CNKSR3: variants seen among roughly 807,000 people sequenced by gnomAD.
CNKSR3 encodes connector enhancer of kinase suppressor of ras 3.
In CNKSR3, 36 loss-of-function variants were observed where a neutral mutation model predicts 67.7. That is an observed-to-expected ratio of 0.53 (90% confidence interval 0.41 to 0.70). CNKSR3 has a LOEUF of 0.70. Among genes scored for constraint, CNKSR3 ranks in the 30% least tolerant of loss-of-function variants. The pLI is 0.00. For missense variants in CNKSR3, 630 were observed against 695.2 expected, an observed-to-expected ratio of 0.91 and a Z score of 1.05; for synonymous variants, 281 against 271.4, an observed-to-expected ratio of 1.04 and a Z score of -0.35.
At position 154,411,633 on chromosome 6, in the gene CNKSR3, CAA is replaced by C. The variant is rs57943019; in HGVS notation, c.1071-493_1071-492del. ...TGGGCAATGGAGCGAGACTCCATCT[CAA>C]AAAAAAAAAAAAAAAAAAAGAAGAG... On this transcript the variant is annotated intron_variant, in intron 10 of 12. Coordinates refer to ENST00000607772, the MANE Select transcript of CNKSR3 (RefSeq NM_173515.4). 5.9e-3 allele frequency among the ~76,000 whole-genome samples: 610 copies of C among 103,332 alleles called. 2 individuals are homozygous for C. The highest frequency in any genetic ancestry group is 0.022 in the African/African-American group (586 of 26,848). 67.8% of individuals were successfully genotyped at this position (103,332 alleles called of 152,430 possible).
At chr6:154,481,252 G>T (rs147574908) in intron 1 of CNKSR3, among the ~76,000 whole-genome samples, 2,009 of 147,968 alleles carry the variant, frequency 0.014, 52 homozygotes, top group African/African-American at 0.048. Context: ...ATTTATTTAT[G>T]CTTATTTGAT....
At chr6:154,444,941 G>C (rs923148783) in intron 2 of CNKSR3, among the ~76,000 whole-genome samples, 10 of 152,032 alleles carry the variant, frequency 6.6e-5, no homozygotes, top group African/African-American at 1.2e-4. Flanking sequence ...TGGCTATGTG[G>C]GCCAGAGAGA....
chr6:154,501,584 C>T (rs577235014), intron 1 of CNKSR3, among the ~76,000 whole-genome samples: 26 of 152,174 alleles, frequency 1.7e-4, no homozygotes, highest in African/African-American at 6.0e-4. Flanking sequence ...CTAGAATGCC[C>T]TTCTCCCTAA....
At chr6:154,473,843 G>A (rs1786383771) in intron 1 of CNKSR3, among the ~76,000 whole-genome samples, 1 of 151,812 alleles carries the variant, frequency 6.6e-6, no homozygotes, top group Non-Finnish European at 1.5e-5. Context: ...GGAGTGCAGT[G>A]GCATGATCTC....
chr6:154,477,463 A>G (rs1293041966), intron 1 of CNKSR3, among the ~76,000 whole-genome samples: 1 of 145,274 alleles, frequency 6.9e-6, no homozygotes. Flanking sequence ...GGAGCACACC[A>G]CAAAGCCCAG....
intron 1 of CNKSR3, among the ~76,000 whole-genome samples, chr6:154,496,493 C>A (rs1786881360): frequency 7.0e-6 from 1 of 142,278 alleles, no homozygotes; most frequent in South Asian, 2.3e-4. Flanking sequence ...TTAATAAGAG[C>A]AAACAAGAGA....
chr6:154,412,514 A>G (rs1458874078), intron 10 of CNKSR3, among the ~76,000 whole-genome samples: 1 of 152,180 alleles, frequency 6.6e-6, no homozygotes, highest in Non-Finnish European at 1.5e-5. Context: ...TGATAGAACA[A>G]TCCACACATT....
intron 12 of CNKSR3, among the ~76,000 whole-genome samples, chr6:154,407,643 G>A (rs9479838): frequency 0.03 from 4,609 of 152,040 alleles, 99 homozygotes; most frequent in Middle Eastern, 0.1. Context: ...TGGGACTACA[G>A]GTGCGCACAA....
At chr6:154,485,111 C>T (rs1786642013) in intron 1 of CNKSR3, among the ~76,000 whole-genome samples, 1 of 151,944 alleles carries the variant, frequency 6.6e-6, no homozygotes, top group Non-Finnish European at 1.5e-5. Flanking sequence ...GTTCAAAGTA[C>T]AAGTTTGAAA....
chr6:154,441,483 T>TTTTTG lies in CNKSR3; in HGVS notation c.420-109_420-105dup, dbSNP rs57940807. 5.6e-3 allele frequency: 4,644 copies of TTTTTG among 826,970 alleles called. 162 individuals are homozygous for TTTTTG. In the African/African-American group the frequency reaches 0.071, roughly 13 times the overall value. 51.2% of individuals were successfully genotyped at this position (826,970 alleles called of 1,614,324 possible). A position where few individuals can be genotyped will look rare whatever the true frequency, so the allele number is the denominator to read the frequency against. ...TACCCCATGGGCTACTCTAAATTCC[T>TTTTTG]TTTTGTTTTGTTTTGTTTGAGACTG... is the stretch of plus-strand genomic sequence containing the variant. On this transcript the variant is annotated intron_variant, in intron 3 of 12. Transcript: ENST00000607772.
intron 2 of CNKSR3, among the ~76,000 whole-genome samples, chr6:154,446,587 A>T (rs1785711193): frequency 6.6e-6 from 1 of 152,202 alleles, no homozygotes; most frequent in Non-Finnish European, 1.5e-5. Context: ...TCAGAGGTAT[A>T]CCAGTGCGCA....
rs1784619027 is a variant in CNKSR3 at position 154,392,579 on chromosome 6, C to T, written c.*13775G>A. On this transcript the variant is annotated 3_prime_UTR_variant, in exon 13 of 13. Transcript: ENST00000607772. ...AGAATCCAAAAGAGGGTCCCGAAAC[C>T]TTGTGGGGATTGTAAGCTCTATGAT... 6.6e-6 allele frequency: 1 copy of T among 152,236 alleles called. No homozygotes were observed. Among genetic ancestry groups the T allele is most frequent in the South Asian group, 2.1e-4 (1 of 4,834 alleles). 9.4% of individuals were successfully genotyped at this position (152,236 alleles called of 1,614,324 possible).
chr6:154,467,558 C>T (rs1786230400), intron 1 of CNKSR3, among the ~76,000 whole-genome samples: 1 of 152,080 alleles, frequency 6.6e-6, no homozygotes, highest in Admixed American at 6.5e-5. Flanking sequence ...AGGTCATATT[C>T]GTAAGAGGTA....
intron 1 of CNKSR3, among the ~76,000 whole-genome samples, chr6:154,509,581 C>T (rs1003656847): frequency 1.3e-5 from 2 of 152,206 alleles, no homozygotes; most frequent in Non-Finnish European, 2.9e-5. Flanking sequence ...GGCGGACCCG[C>T]CGGAGTCTCC....
intron 4 of CNKSR3, among the ~76,000 whole-genome samples, chr6:154,440,057 T>A (rs1320990448): frequency 6.6e-6 from 1 of 152,202 alleles, no homozygotes; most frequent in African/African-American, 2.4e-5. Flanking sequence ...GACTCTTTTT[T>A]GTCAAAATTA....
intron 9 of CNKSR3, chr6:154,414,673 A>G (rs1323373492): frequency 1.7e-6 from 1 of 585,828 alleles, no homozygotes. Flanking sequence ...TGCCAGGGTT[A>G]TGACTCTAGC....
At position 154,452,941 on chromosome 6, in the gene CNKSR3, G is replaced by C. The variant is rs570130160; in HGVS notation, c.53-2683C>G. ...GATGAGATAAATTTCTGTTGTTCCG[G>C]CCTCCCAGTCTATGGAACTTTGTTA... is the stretch of plus-strand genomic sequence containing the variant. On this transcript the variant is annotated intron_variant, in intron 1 of 12. Transcript: ENST00000607772. Among the ~76,000 whole-genome samples the C allele has an allele frequency of 1.7e-3, 265 of 152,248 alleles. 1 individual carries two copies. The highest frequency in any genetic ancestry group is 6.0e-3 in the African/African-American group (250 of 41,548).
intron 1 of CNKSR3, among the ~76,000 whole-genome samples, chr6:154,451,629 A>C (rs1218048702): frequency 5.9e-5 from 9 of 152,354 alleles, no homozygotes; most frequent in African/African-American, 1.9e-4. Flanking sequence ...CCCAGCACTT[A>C]CTTTTTGTAA....
chr6:154,492,431 C>G (rs1786799030), intron 1 of CNKSR3, among the ~76,000 whole-genome samples: 1 of 152,098 alleles, frequency 6.6e-6, no homozygotes, highest in Non-Finnish European at 1.5e-5. Context: ...ACACATATAT[C>G]CCACCATCTC....
Sources: gnomAD v4.1 joint callset for allele counts (sites outside exome capture counted in the v4.1 genomes callset) on GRCh38, gnomAD v4.1.1 for gene constraint, MANE v1.5 for transcripts, NCBI Gene and HGNC (gene_info 2026-07-23, HGNC 2026-07-21) for gene names.